The following ANXA1 variants were observed in gnomAD, a reference collection of about 807,000 sequenced individuals.
ANXA1 encodes the protein annexin A1.
In ANXA1, 39 loss-of-function variants were observed where a neutral mutation model predicts 47.9. The ratio of observed to expected loss-of-function variants is 0.81; its 90% confidence interval spans 0.63 to 1.06. The LOEUF (loss-of-function observed/expected upper bound fraction) is 1.06, where lower values mean the gene tolerates loss of function less well. Among genes scored for constraint, ANXA1 ranks in the 50% least tolerant of loss-of-function variants. ANXA1 has a pLI of 0.00. For synonymous variants in ANXA1, 146 were observed against 142.5 expected, an observed-to-expected ratio of 1.02 and a Z score of -0.17; for missense variants, 446 against 422.7, an observed-to-expected ratio of 1.06 and a Z score of -0.48.
chr9:73,156,064 C>T (rs1451502955), intron 1 of ANXA1, among the ~76,000 whole-genome samples: 1 of 146,110 alleles, frequency 6.8e-6, no homozygotes, highest in Non-Finnish European at 1.5e-5. Context: ...CTTTCTTTTG[C>T]TTTCTTTTGA....
At chr9:73,161,126 T>G (rs1824136031) in intron 6 of ANXA1, among the ~76,000 whole-genome samples, 1 of 152,122 alleles carries the variant, frequency 6.6e-6, no homozygotes, top group African/African-American at 2.4e-5. Context: ...TGCGTTTTAA[T>G]AGAAAATGTT....
chr9:73,167,671 C>T, intron 11 of ANXA1, 116 bp downstream of exon 11: 1 of 975,056 alleles, frequency 1.0e-6, no homozygotes, highest in African/African-American at 1.6e-5. Context: ...TAATGAGAAT[C>T]ATTGTTCTAT....
chr9:73,153,616 C>T (rs890179850), intron 1 of ANXA1, among the ~76,000 whole-genome samples: 5 of 152,070 alleles, frequency 3.3e-5, no homozygotes, highest in Non-Finnish European at 5.9e-5. Context: ...GAGGTCAGAT[C>T]GCCAGATAAT....
intron 8 of ANXA1, 99 bp from the exon 9 acceptor site, chr9:73,165,017 C>T: frequency 1.1e-6 from 1 of 899,746 alleles, no homozygotes; most frequent in African/African-American, 1.7e-5. Context: ...GTATTGGGCA[C>T]AAAGCGATTG....
rs761625248 is a variant in ANXA1, at chr9:73,158,778, C to T, written c.150C>T (p.Ala50=). The part of the protein sequence containing the change: ...PTFNPSSDVA[A]LHKAIMVKGV... Reference sequence around the variant, plus strand: ...TCAATCCATCCTCGGATGTCGCTGCCTTGCATAAGGCCATAATGGTTAAAG... The same window carrying T: ...TCAATCCATCCTCGGATGTCGCTGCTTTGCATAAGGCCATAATGGTTAAAG... The change falls in exon 3 of 13, where the codon GCC becomes GCT. Residue 50 remains alanine, a synonymous_variant. Transcript: ENST00000257497. The T allele has an allele frequency of 8.7e-6, 14 of 1,613,696 alleles. No individual in the cohort carries two copies. Among genetic ancestry groups the T allele is most frequent in the South Asian group, 5.5e-5 (5 of 91,080 alleles).
At chr9:73,159,308 C>T in intron 3 of ANXA1, 21 bp from the exon 4 acceptor site, 1 of 1,597,242 alleles carries the variant, frequency 6.3e-7, no homozygotes, top group Non-Finnish European at 8.6e-7. Flanking sequence ...GTGTTAAAGG[C>T]TGTTGGCCCT....
intron 4 of ANXA1, chr9:73,159,874 A>G (rs1031177881): frequency 6.3e-6 from 1 of 159,876 alleles, no homozygotes; most frequent in African/African-American, 2.4e-5. Context: ...GTATCTGATT[A>G]TACTGCTTGT....
intron 1 of ANXA1, 186 bp from the exon 2 acceptor site, chr9:73,158,336 G>A: frequency 1.8e-6 from 1 of 541,312 alleles, no homozygotes; most frequent in Non-Finnish European, 3.3e-6. Flanking sequence ...TTCATTTTAA[G>A]TATAAAAGCT....
rs776100798 is a variant in ANXA1, at chr9:73,165,097, C to G, written c.613-19C>G. 2 of 1,601,086 alleles carry G rather than the reference C, an allele frequency of 1.2e-6. No individual in the cohort carries two copies. The highest frequency in any genetic ancestry group is 1.7e-6 in the Non-Finnish European group (2 of 1,169,254). Reference sequence around the variant, plus strand: ...ATTTCAGCAGATAGTGAAGTGTTTACTTTTGTGTTTCTTGACAGGCCTTGT... The same window carrying G: ...ATTTCAGCAGATAGTGAAGTGTTTAGTTTTGTGTTTCTTGACAGGCCTTGT... On this transcript the variant is annotated intron_variant, in intron 8 of 12. Transcript: ENST00000257497.
At chr9:73,165,923 A>T (rs1240212999) in intron 9 of ANXA1, among the ~76,000 whole-genome samples, 174 bp from the exon 10 acceptor site, 1 of 152,146 alleles carries the variant, frequency 6.6e-6, no homozygotes, top group Admixed American at 6.6e-5. Flanking sequence ...GGTAAGTTAC[A>T]TTCCTAGGAG....
chr9:73,161,908 A>G (rs1334378719), intron 6 of ANXA1, among the ~76,000 whole-genome samples: 1 of 152,166 alleles, frequency 6.6e-6, no homozygotes, highest in African/African-American at 2.4e-5. Flanking sequence ...TTGTGTTGCT[A>G]TAAAGAAATA....
At position 73,170,139 on chromosome 9, in the gene ANXA1, G is replaced by A. The variant is rs1178375579; in HGVS notation, c.*32G>A. 2.6e-6 allele frequency: 4 copies of A among 1,565,228 alleles called. No individual in the cohort carries two copies. Among genetic ancestry groups the A allele is most frequent in the African/African-American group, 2.7e-5 (2 of 73,020 alleles). On this transcript the variant is annotated 3_prime_UTR_variant, in exon 13 of 13. Transcript: ENST00000257497. ...CCTTGATGGTCTCAAGCTATGATCA[G>A]AAGACTTTAATTATATATTTTCATC... is the stretch of plus-strand genomic sequence containing the variant.
At chr9:73,164,337 A>G (rs1824191902) in intron 8 of ANXA1, among the ~76,000 whole-genome samples, 1 of 152,126 alleles carries the variant, frequency 6.6e-6, no homozygotes, top group Non-Finnish European at 1.5e-5. Context: ...ATGCAAAATA[A>G]TTTTTACATA....
intron 8 of ANXA1, among the ~76,000 whole-genome samples, chr9:73,164,577 G>A (rs927962793): frequency 9.2e-5 from 14 of 151,970 alleles, no homozygotes; most frequent in South Asian, 4.1e-4. Flanking sequence ...AATAAAGACC[G>A]CTTGTGACAA....
chr9:73,163,536 A>T lies in ANXA1; in HGVS notation c.612+4A>T, dbSNP rs1419376226. The T allele has an allele frequency of 1.2e-6, 2 of 1,612,498 alleles. No individual in the cohort carries two copies. Among genetic ancestry groups the T allele is most frequent in the East Asian group, 2.2e-5 (1 of 44,846 alleles). On this transcript the variant is annotated splice_donor_region_variant and intron_variant, in intron 8 of 12. Coordinates refer to ENST00000257497, the MANE Select transcript of ANXA1 (RefSeq NM_000700.3). Reference sequence around the variant, plus strand: ...CTTGGCTGATTCAGATGCCAGGGTAAGGAAGTGCTTACAAAATACTGCTGC... The same window carrying T: ...CTTGGCTGATTCAGATGCCAGGGTATGGAAGTGCTTACAAAATACTGCTGC...
At position 73,169,092 on chromosome 9, in the gene ANXA1, A is replaced by G. The variant is rs1268102804; in HGVS notation, c.922A>G (p.Met308Val). The change falls in exon 12 of 13, where the codon ATG (methionine) becomes GTG (valine). Residue 308 changes from methionine to valine, a missense_variant. Physicochemically the swap from Met to Val is conservative, Grantham distance 21. Transcript: ENST00000257497. ...TATGGTTTCCCGTTCTGAAATTGAC[A>G]TGAATGATATCAAAGCATTCTATCA... ...RIMVSRSEID[M>V]NDIKAFYQKM... 4 of 1,613,570 alleles carry G rather than the reference A, an allele frequency of 2.5e-6. No individual in the cohort carries two copies. Among genetic ancestry groups the G allele is most frequent in the Admixed American group, 3.3e-5 (2 of 59,972 alleles).
chr9:73,158,932 A>G, intron 3 of ANXA1, 129 bp downstream of exon 3: 1 of 781,552 alleles, frequency 1.3e-6, no homozygotes, highest in Non-Finnish European at 2.0e-6. Flanking sequence ...TTTCTTTGCC[A>G]AACGAAGATG....
At chr9:73,161,764 GGTA>G (rs1475400251) in intron 6 of ANXA1, among the ~76,000 whole-genome samples, 16 of 151,970 alleles carry the variant, frequency 1.1e-4, no homozygotes, top group Non-Finnish European at 2.4e-4. Flanking sequence ...ATGTGTCAGT[GGTA>G]ATAATGATGA....
chr9:73,160,549 T>C (rs574714533), intron 5 of ANXA1, among the ~76,000 whole-genome samples, 173 bp downstream of exon 5: 15 of 152,150 alleles, frequency 9.9e-5, no homozygotes, highest in Admixed American at 2.0e-4. Context: ...AAAACAGAAA[T>C]GTTGGCACTA....
Sources: allele counts gnomAD v4.1 joint callset (sites outside exome capture counted in the v4.1 genomes callset), GRCh38; gene constraint gnomAD v4.1.1; transcripts MANE v1.5; gene names NCBI Gene and HGNC (gene_info 2026-07-23, HGNC 2026-07-21).